Variants in LDLRAD3 observed in about 807,000 individuals in gnomAD.
LDLRAD3 encodes the protein low density lipoprotein receptor class A domain containing 3.
In LDLRAD3, 20 loss-of-function variants were observed where a neutral mutation model predicts 29.4. That is an observed-to-expected ratio of 0.68 (90% CI 0.48 to 0.99). The LOEUF (loss-of-function observed/expected upper bound fraction) is 0.99, where lower values mean the gene tolerates loss of function less well. Ranked by LOEUF, LDLRAD3 falls within the 50% of genes least tolerant of loss-of-function variation. The probability of loss-of-function intolerance (pLI) is 0.00; values close to 1 mark genes in which losing one functional copy is unlikely to be tolerated. For missense variants in LDLRAD3, 420 were observed against 454.3 expected (o/e 0.92, Z 0.69); for synonymous variants, 157 against 192.7 (o/e 0.81, Z 1.53).
rs1855566388 is a variant in LDLRAD3, at chr11:36,230,862, CTT to C, written c.*1467_*1468del. On this transcript the variant is annotated 3_prime_UTR_variant, in exon 6 of 6. Coordinates refer to ENST00000315571, the MANE Select transcript of LDLRAD3 (RefSeq NM_174902.4). ...TGCCAGACATTTGTGCATTGTTGCA[CTT>C]TGAGGTTATTATTTATCAAGTTCTT... The C allele has an allele frequency of 6.6e-6, 1 of 152,520 alleles. No individual in the cohort carries two copies. Among genetic ancestry groups the C allele is most frequent in the East Asian group, 1.9e-4 (1 of 5,196 alleles). 9.4% of individuals were successfully genotyped at this position (152,520 alleles called of 1,614,324 possible).
chr11:36,165,844 G>A (rs1028452191), intron 4 of LDLRAD3, among the ~76,000 whole-genome samples: 1 of 147,728 alleles, frequency 6.8e-6, no homozygotes, highest in African/African-American at 2.5e-5. Context: ...TGATCACCCA[G>A]GTTTCAAAAA....
chr11:36,183,980 T>TTTC, intron 4 of LDLRAD3: 2 of 311,342 alleles, frequency 6.4e-6, no homozygotes, highest in Non-Finnish European at 1.2e-5. Flanking sequence ...TTTTTTTTTT[T>TTTC]CCCGAGATGG....
chr11:36,223,184 C>T (rs1855452723), intron 4 of LDLRAD3, among the ~76,000 whole-genome samples: 1 of 152,168 alleles, frequency 6.6e-6, no homozygotes, highest in South Asian at 2.1e-4. Flanking sequence ...AGTTATGCAA[C>T]ATCATAATTT....
At chr11:36,059,376 A>G (rs370852752) in intron 2 of LDLRAD3, among the ~76,000 whole-genome samples, 1 of 144,752 alleles carries the variant, frequency 6.9e-6, no homozygotes, top group Non-Finnish European at 1.5e-5. Flanking sequence ...AAAAAAAAAG[A>G]TAAGGTCACT....
At chr11:36,057,992 C>T (rs538123313) in intron 2 of LDLRAD3, among the ~76,000 whole-genome samples, 1 of 152,192 alleles carries the variant, frequency 6.6e-6, no homozygotes, top group Non-Finnish European at 1.5e-5. Context: ...CTCAGTGGAG[C>T]GCCCAGCACT....
intron 4 of LDLRAD3, among the ~76,000 whole-genome samples, chr11:36,116,926 C>G (rs1001529867): frequency 2.0e-5 from 3 of 151,464 alleles, no homozygotes; most frequent in African/African-American, 4.9e-5. Flanking sequence ...ACTGCAACCT[C>G]TGCCTCCCGG....
At chr11:35,980,519 G>A (rs1851527616) in intron 1 of LDLRAD3, among the ~76,000 whole-genome samples, 1 of 152,144 alleles carries the variant, frequency 6.6e-6, no homozygotes, top group Admixed American at 6.5e-5. Context: ...TTAAAGTTTG[G>A]GAGAATGACA....
intron 4 of LDLRAD3, among the ~76,000 whole-genome samples, chr11:36,109,220 T>A (rs1356525899): frequency 6.6e-6 from 1 of 152,136 alleles, no homozygotes; most frequent in East Asian, 1.9e-4. Context: ...GAGAGAATCT[T>A]TGTCATGGAC....
intron 2 of LDLRAD3, among the ~76,000 whole-genome samples, chr11:36,058,384 T>G (rs1852652399): frequency 6.6e-6 from 1 of 152,214 alleles, no homozygotes; most frequent in African/African-American, 2.4e-5. Flanking sequence ...ATGACCTACT[T>G]TATCAACTCC....
chr11:36,120,775 A>G (rs770226283), intron 4 of LDLRAD3, among the ~76,000 whole-genome samples: 1 of 152,170 alleles, frequency 6.6e-6, no homozygotes, highest in Admixed American at 6.5e-5. Flanking sequence ...CTGAAATTCT[A>G]ACCCCCAGTA....
intron 1 of LDLRAD3, among the ~76,000 whole-genome samples, chr11:35,964,832 A>G (rs1444271649): frequency 1.3e-5 from 2 of 152,144 alleles, no homozygotes; most frequent in South Asian, 2.1e-4. Flanking sequence ...TACAAAAAAT[A>G]CAAAAATTAG....
chr11:36,145,814 G>C (rs11033462), intron 4 of LDLRAD3, among the ~76,000 whole-genome samples: 68,152 of 146,562 alleles, frequency 0.47, 16,607 homozygotes, highest in East Asian at 0.61. Context: ...GCAGCATGCT[G>C]GTTAAGAGTC....
At chr11:36,191,759 AG>A (rs1174565589) in intron 4 of LDLRAD3, among the ~76,000 whole-genome samples, 1 of 151,772 alleles carries the variant, frequency 6.6e-6, no homozygotes, top group East Asian at 1.9e-4. Context: ...ACAAATGGGG[AG>A]GGGGAAACTT....
Position 36,039,077 on chromosome 11 carries a change from C to T in LDLRAD3, c.193+2828C>T, listed in dbSNP as rs76269061. ...CTCCGCCTCCCGGGTTCACGCCATT[C>T]TCTCGCCTCAGTCTCCCGAGTAGCT... On this transcript the variant is annotated intron_variant, in intron 2 of 5. Coordinates refer to ENST00000315571, the MANE Select transcript of LDLRAD3 (RefSeq NM_174902.4). 1.7e-4 allele frequency among the ~76,000 whole-genome samples: 26 copies of T among 151,296 alleles called. No individual in the cohort carries two copies. The East Asian group carries it at 5.1e-3, about 30-fold the overall frequency.
chr11:35,979,883 A>ATCCTC (rs1312579735), intron 1 of LDLRAD3, among the ~76,000 whole-genome samples: 1 of 152,216 alleles, frequency 6.6e-6, no homozygotes, highest in Non-Finnish European at 1.5e-5. Context: ...TACTGGATAT[A>ATCCTC]TCCTCTTCCC....
At chr11:36,159,784 T>G (rs748895927) in intron 4 of LDLRAD3, among the ~76,000 whole-genome samples, 2 of 151,136 alleles carry the variant, frequency 1.3e-5, no homozygotes, top group Non-Finnish European at 3.0e-5. Context: ...AAAGGAGAAC[T>G]CAGGGGACAA....
At chr11:35,973,610 G>A (rs1051184996) in intron 1 of LDLRAD3, among the ~76,000 whole-genome samples, 2 of 151,780 alleles carry the variant, frequency 1.3e-5, no homozygotes, top group African/African-American at 4.9e-5. Context: ...GACTACAGGT[G>A]CACGCCACCA....
intron 1 of LDLRAD3, among the ~76,000 whole-genome samples, chr11:35,981,729 G>C (rs1851544622): frequency 6.6e-6 from 1 of 152,142 alleles, no homozygotes; most frequent in African/African-American, 2.4e-5. Context: ...AAGGGTGCTT[G>C]GCATCTCCCA....
chr11:36,103,112 C>A (rs1853474126), intron 4 of LDLRAD3, among the ~76,000 whole-genome samples: 1 of 152,040 alleles, frequency 6.6e-6, no homozygotes, highest in African/African-American at 2.4e-5. Flanking sequence ...AAACTCTATA[C>A]CCATTAAAAA....
Sources: gnomAD v4.1 joint callset for allele counts (sites outside exome capture counted in the v4.1 genomes callset) on GRCh38, gnomAD v4.1.1 for gene constraint, MANE v1.5 for transcripts, NCBI Gene and HGNC (gene_info 2026-07-23, HGNC 2026-07-21) for gene names.